The following FBXO25 variants were observed in gnomAD, a reference collection of about 807,000 sequenced individuals.
FBXO25 encodes F-box only protein 25.
Under a neutral mutation model 51.9 loss-of-function variants are expected in FBXO25, and 45 were observed. That is an observed-to-expected ratio of 0.87 (90% confidence interval 0.68 to 1.11). The LOEUF (loss-of-function observed/expected upper bound fraction) is 1.11. FBXO25 is among the 50% of genes most tolerant of loss of function. FBXO25 has a pLI of 0.00. For synonymous variants in FBXO25, 199 were observed against 151.0 expected (o/e 1.32, Z -2.33); for missense variants, 507 against 428.5 (o/e 1.18, Z -1.62).
intron 5 of FBXO25, among the ~76,000 whole-genome samples, chr8:436,507 A>C (rs1798111195): frequency 6.6e-6 from 1 of 152,204 alleles, no homozygotes; most frequent in Admixed American, 6.5e-5. Flanking sequence ...TCTGAGCAGA[A>C]TTTCCAGGGC....
chr8:463,009 T>G lies in FBXO25; in HGVS notation c.846T>G (p.Phe282Leu). The G allele has an allele frequency of 1.2e-6, 2 of 1,608,016 alleles. No individual in the cohort carries two copies. The highest frequency in any genetic ancestry group is 2.3e-5 in the South Asian group (2 of 88,886). ...TGAATGGAGTTTTGTTTGTTTAGTT[T>G]TGTAGACATTTGATCCTTTCAGAAA... The part of the protein sequence containing the change: ...LCQYHFAEKQ[F>L]CRHLILSEKG... Residue 282 changes from phenylalanine to leucine, a missense_variant and splice_region_variant, in exon 9 of 10, where the codon TTT (phenylalanine) becomes TTG (leucine). Physicochemically the swap from Phe to Leu is conservative, Grantham distance 22. Transcript: ENST00000350302.
At chr8:452,494 C>G (rs1799159992) in intron 7 of FBXO25, among the ~76,000 whole-genome samples, 1 of 152,228 alleles carries the variant, frequency 6.6e-6, no homozygotes, top group African/African-American at 2.4e-5. Context: ...TGTAGAAGTC[C>G]TAACATGAGT....
rs1800615675 is a variant in FBXO25 at position 475,512 on chromosome 8, T to C, written c.*6708T>C. 6.5e-6 allele frequency: 1 copy of C among 152,766 alleles called. No individual in the cohort carries two copies. The highest frequency in any genetic ancestry group is 1.5e-5 in the Non-Finnish European group (1 of 68,482). 9.5% of individuals were successfully genotyped at this position (152,766 alleles called of 1,614,324 possible). A position where few individuals can be genotyped will look rare whatever the true frequency, so the allele number is the denominator to read the frequency against. On this transcript the variant is annotated 3_prime_UTR_variant, in exon 10 of 10. Coordinates refer to ENST00000350302, the MANE Select transcript of FBXO25 (RefSeq NM_183420.2). ...AGATTGCATGAAATCTATAGATTGCTTTGGACTATGGACATCTTAAGGTAT... is the reference window on the plus strand; with the variant it reads ...AGATTGCATGAAATCTATAGATTGCCTTGGACTATGGACATCTTAAGGTAT...
At chr8:455,755 T>C (rs1360407438) in intron 7 of FBXO25, among the ~76,000 whole-genome samples, 1 of 152,172 alleles carries the variant, frequency 6.6e-6, no homozygotes, top group Admixed American at 6.5e-5. Context: ...GTGAGAGATT[T>C]CATGATGGCA....
chr8:464,313 G>C (rs1157456900), intron 9 of FBXO25, among the ~76,000 whole-genome samples: 1 of 148,764 alleles, frequency 6.7e-6, no homozygotes, highest in African/African-American at 2.6e-5. Flanking sequence ...GTGTTTCCAT[G>C]GTTTGCCTTG....
chr8:425,159 T>C (rs1210254479), intron 2 of FBXO25, among the ~76,000 whole-genome samples: 1 of 151,600 alleles, frequency 6.6e-6, no homozygotes, highest in Non-Finnish European at 1.5e-5. Context: ...ATTTCTATTA[T>C]AACCTACTTC....
chr8:445,540 T>C (rs1798685579), intron 5 of FBXO25, among the ~76,000 whole-genome samples: 1 of 152,234 alleles, frequency 6.6e-6, no homozygotes, highest in Admixed American at 6.5e-5. Flanking sequence ...CTTTTAAAAA[T>C]ATTTCTCCAT....
rs1373421683 is a variant in FBXO25, at chr8:468,927, A to T, written c.*123A>T. ...GCCCCTGCTTCCAGAAAGCCTGGGA[A>T]GAACTGCCCTTCTGCAAAGGGGGGA... On this transcript the variant is annotated 3_prime_UTR_variant, in exon 10 of 10. Transcript: ENST00000350302. The T allele has an allele frequency of 2.3e-6, 2 of 858,862 alleles. No individual in the cohort carries two copies. The highest frequency in any genetic ancestry group is 1.7e-5 in the African/African-American group (1 of 58,444). 53.2% of individuals were successfully genotyped at this position (858,862 alleles called of 1,614,324 possible).
In FBXO25 at chr8:468,894, C is replaced by G; in HGVS notation, c.*90C>G. The G allele has an allele frequency of 8.3e-7, 1 of 1,201,118 alleles. No individual in the cohort carries two copies. The highest frequency in any genetic ancestry group is 1.2e-6 in the Non-Finnish European group (1 of 863,360). 74.4% of individuals were successfully genotyped at this position (1,201,118 alleles called of 1,614,324 possible). On this transcript the variant is annotated 3_prime_UTR_variant, in exon 10 of 10. Transcript: ENST00000350302. ...GTGTTCTGTGAGGTGGGTGGAGACT[C>G]CTCGGAAGCCCCTGCTTCCAGAAAG...
chr8:471,685 T>C lies in FBXO25; in HGVS notation c.*2881T>C, dbSNP rs537879973. The C allele has an allele frequency of 6.6e-6, 1 of 152,300 alleles. No individual in the cohort carries two copies. Among genetic ancestry groups the C allele is most frequent in the Non-Finnish European group, 1.5e-5 (1 of 68,014 alleles). 9.4% of individuals were successfully genotyped at this position (152,300 alleles called of 1,614,324 possible). A position where few individuals can be genotyped will look rare whatever the true frequency, so the allele number is the denominator to read the frequency against. On this transcript the variant is annotated 3_prime_UTR_variant, in exon 10 of 10. Coordinates refer to ENST00000350302, the MANE Select transcript of FBXO25 (RefSeq NM_183420.2). ...CTTGACACCCAGTTACAACTTCCTT[T>C]TGCCTATTTTGAGTCAAAAAGTCAC...
At chr8:457,592 C>T (rs1563094118) in intron 7 of FBXO25, among the ~76,000 whole-genome samples, 1 of 152,134 alleles carries the variant, frequency 6.6e-6, no homozygotes, top group Non-Finnish European at 1.5e-5. Context: ...AGGAGGAGTC[C>T]ATTGTGGAGG....
chr8:437,214 T>G (rs1798153474), intron 5 of FBXO25, among the ~76,000 whole-genome samples: 1 of 152,230 alleles, frequency 6.6e-6, no homozygotes, highest in Admixed American at 6.5e-5. Flanking sequence ...ATTTGTCTAA[T>G]ACATATAAAT....
chr8:471,823 T>C lies in FBXO25; in HGVS notation c.*3019T>C, dbSNP rs1800494918. 1 of 152,240 alleles carries C rather than the reference T, an allele frequency of 6.6e-6. No homozygotes were observed. Among genetic ancestry groups the C allele is most frequent in the Non-Finnish European group, 1.5e-5 (1 of 68,044 alleles). 9.4% of individuals were successfully genotyped at this position (152,240 alleles called of 1,614,324 possible). A position where few individuals can be genotyped will look rare whatever the true frequency, so the allele number is the denominator to read the frequency against. On this transcript the variant is annotated 3_prime_UTR_variant, in exon 10 of 10. Coordinates refer to ENST00000350302, the MANE Select transcript of FBXO25 (RefSeq NM_183420.2). ...TACTGCATGACGTACAGGCTCTCTG[T>C]ATGCACTGTGTGTGCGTACTGTACA...
chr8:422,374 T>A (rs1399567128), intron 2 of FBXO25, among the ~76,000 whole-genome samples: 1 of 152,180 alleles, frequency 6.6e-6, no homozygotes, highest in Non-Finnish European at 1.5e-5. Context: ...ACAAAATAAT[T>A]GACCGGTACT....
chr8:476,435 A>T lies in FBXO25; in HGVS notation c.*7631A>T, dbSNP rs1441023294. On this transcript the variant is annotated 3_prime_UTR_variant, in exon 10 of 10. Coordinates refer to ENST00000350302, the MANE Select transcript of FBXO25 (RefSeq NM_183420.2). Reference sequence around the variant, plus strand: ...TTCAGTTTTTTGGAAGAGTTTGAGGAGAATTGATTTAATTCTTCAGATGTT... The same window carrying T: ...TTCAGTTTTTTGGAAGAGTTTGAGGTGAATTGATTTAATTCTTCAGATGTT... The T allele has an allele frequency of 6.6e-6, 1 of 152,136 alleles. No individual in the cohort carries two copies. Among genetic ancestry groups the T allele is most frequent in the East Asian group, 1.9e-4 (1 of 5,196 alleles). The allele number at this position is 152,136 out of a possible 1,614,324, so 9.4% of individuals were successfully genotyped here.
rs1315009450 is a variant in FBXO25 at position 475,102 on chromosome 8, G to C, written c.*6298G>C. Reference sequence around the variant, plus strand: ...CTAAATGTTTTAGTTTTAGCTCTTAGTTTAGGCCTTTGATCTATTTTAATT... The same window carrying C: ...CTAAATGTTTTAGTTTTAGCTCTTACTTTAGGCCTTTGATCTATTTTAATT... On this transcript the variant is annotated 3_prime_UTR_variant, in exon 10 of 10. Transcript: ENST00000350302. 6 of 366,856 alleles carry C rather than the reference G, an allele frequency of 1.6e-5. No individual in the cohort carries two copies. Among genetic ancestry groups the C allele is most frequent in the Admixed American group, 1.6e-4 (4 of 25,262 alleles). 22.7% of individuals were successfully genotyped at this position (366,856 alleles called of 1,614,324 possible). A position where few individuals can be genotyped will look rare whatever the true frequency, so the allele number is the denominator to read the frequency against.
At chr8:460,288 A>G (rs1799725861) in intron 8 of FBXO25, among the ~76,000 whole-genome samples, 1 of 152,182 alleles carries the variant, frequency 6.6e-6, no homozygotes, top group Non-Finnish European at 1.5e-5. Flanking sequence ...GTTGCTTTAA[A>G]TAAGTTAAAT....
chr8:418,615 C>G (rs978508556), intron 2 of FBXO25, among the ~76,000 whole-genome samples: 1 of 152,156 alleles, frequency 6.6e-6, no homozygotes, highest in African/African-American at 2.4e-5. Context: ...GCTGGGATTA[C>G]ATGCGTGAGC....
At chr8:437,037 G>C (rs1585046954) in intron 5 of FBXO25, among the ~76,000 whole-genome samples, 1 of 152,146 alleles carries the variant, frequency 6.6e-6, no homozygotes, top group African/African-American at 2.4e-5. Flanking sequence ...CATTTTATCA[G>C]TTTCAGTCAT....
Sources: allele counts gnomAD v4.1 joint callset (sites outside exome capture counted in the v4.1 genomes callset), GRCh38; gene constraint gnomAD v4.1.1; transcripts MANE v1.5; gene names NCBI Gene and HGNC (gene_info 2026-07-23, HGNC 2026-07-21).